FUT8: variants seen among roughly 807,000 people sequenced by gnomAD.
FUT8 encodes alpha-(1,6)-fucosyltransferase.
FUT8 carries 29 observed loss-of-function variants against 71.3 expected under a neutral mutation model. The ratio of observed to expected loss-of-function variants is 0.41; its 90% confidence interval spans 0.30 to 0.55. The LOEUF is 0.55. FUT8 is among the 20% of genes least tolerant of loss of function. The pLI is 0.34. For synonymous variants in FUT8, 254 were observed against 239.3 expected, an observed-to-expected ratio of 1.06 and a Z score of -0.57; for missense variants, 544 against 702.1, an observed-to-expected ratio of 0.77 and a Z score of 2.55.
At chr14:65,468,871 C>T (rs1168775852) in intron 2 of FUT8, among the ~76,000 whole-genome samples, 2 of 151,966 alleles carry the variant, frequency 1.3e-5, no homozygotes, top group African/African-American at 2.4e-5. Flanking sequence ...GATCATAACT[C>T]GCTGCAGTCT....
chr14:65,594,492 T>G (rs563766055), intron 3 of FUT8, among the ~76,000 whole-genome samples: 6 of 152,240 alleles, frequency 3.9e-5, no homozygotes, highest in African/African-American at 1.4e-4. Flanking sequence ...ATCAGCTCAG[T>G]GTGTCCTTTG....
chr14:65,601,759 AATG>A (rs1371021610), intron 3 of FUT8, among the ~76,000 whole-genome samples: 1 of 152,166 alleles, frequency 6.6e-6, no homozygotes, highest in Non-Finnish European at 1.5e-5. Flanking sequence ...AAATATCATT[AATG>A]ATGAGCAACT....
intron 5 of FUT8, among the ~76,000 whole-genome samples, chr14:65,621,490 TGCCCGCCTTG>T (rs1453621227): frequency 6.6e-6 from 1 of 152,154 alleles, no homozygotes; most frequent in East Asian, 1.9e-4. Flanking sequence ...CCTTGTGATC[TGCCCGCCTTG>T]GCCCGTTTGT....
intron 2 of FUT8, among the ~76,000 whole-genome samples, chr14:65,496,913 G>T (rs1362108869): frequency 1.3e-5 from 2 of 152,004 alleles, no homozygotes; most frequent in East Asian, 3.9e-4. Flanking sequence ...CTTGAATTCT[G>T]TCTCTGACCC....
At chr14:65,686,126 A>G (rs1192892363) in intron 7 of FUT8, among the ~76,000 whole-genome samples, 1 of 152,220 alleles carries the variant, frequency 6.6e-6, no homozygotes, top group East Asian at 1.9e-4. Flanking sequence ...AATGATGAGC[A>G]GTCTACCTAC....
the FUT8 span, among the ~76,000 whole-genome samples, chr14:65,368,720 A>G: frequency 6.7e-6 from 1 of 150,228 alleles, no homozygotes. Context: ...ACGGGGTTTC[A>G]CCGTGTTAGC....
chr14:65,650,707 C>CAAAAAAAAAAAAAAAAAAA (rs57971519), intron 6 of FUT8, among the ~76,000 whole-genome samples: 2 of 118,972 alleles, frequency 1.7e-5, no homozygotes, highest in African/African-American at 3.4e-5. Context: ...CTGCTAATTA[C>CAAAAAAAAAAAAAAAAAAA]AAAAAAAAAA....
chr14:65,668,433 C>A (rs904311848), intron 6 of FUT8, among the ~76,000 whole-genome samples: 2 of 152,032 alleles, frequency 1.3e-5, no homozygotes, highest in Non-Finnish European at 2.9e-5. Flanking sequence ...ACAGTCAATA[C>A]GTATCAAACA....
At chr14:65,409,497 C>T (rs1381141261), upstream of FUT8, among the ~76,000 whole-genome samples, 1 of 152,324 alleles carries the variant, frequency 6.6e-6, no homozygotes, top group South Asian at 2.1e-4. This position sits in a 1 kb window ranked among gnomAD's most constrained non-coding sequence, Gnocchi z 5.4. Flanking sequence ...AGCACTATTA[C>T]ACTTTGGCTA....
At chr14:65,590,770 G>T (rs1457598349) in intron 3 of FUT8, among the ~76,000 whole-genome samples, 2 of 152,148 alleles carry the variant, frequency 1.3e-5, no homozygotes, top group Non-Finnish European at 2.9e-5. Flanking sequence ...GTTGGAAATA[G>T]GTTTCATACT....
chr14:65,694,557 G>A (rs896148099), intron 7 of FUT8, among the ~76,000 whole-genome samples: 3 of 152,034 alleles, frequency 2.0e-5, no homozygotes, highest in African/African-American at 7.3e-5. Context: ...ATACCCAAAG[G>A]ACTATAAATC....
At position 65,677,152 on chromosome 14, in the gene FUT8, G is replaced by GTGTGTGCGTGCGCGCGCGCGCGCA. The variant is rs1555383261; in HGVS notation, c.835+7672_835+7673insTGTGTGCGTGCGCGCGCGCGCGCA. 2.4e-4 allele frequency among the ~76,000 whole-genome samples: 14 copies of GTGTGTGCGTGCGCGCGCGCGCGCA among 59,546 alleles called. No homozygotes were observed. The South Asian group carries it at 5.8e-3, about 25-fold the overall frequency. The allele number at this position is 59,546 out of a possible 152,430, so 39.1% of individuals were successfully genotyped here. A position where few individuals can be genotyped will look rare whatever the true frequency, so the allele number is the denominator to read the frequency against. ...TGTGTGTGTGTGTGTGTGTGTGTGT[G>GTGTGTGCGTGCGCGCGCGCGCGCA]CGCGCGCGCATGCGCGCGCACGTAT... On this transcript the variant is annotated intron_variant, in intron 7 of 10. Transcript: ENST00000673929.
chr14:65,645,333 A>G (rs954514644), intron 6 of FUT8, among the ~76,000 whole-genome samples: 2 of 152,230 alleles, frequency 1.3e-5, no homozygotes, highest in African/African-American at 4.8e-5. Flanking sequence ...GATGCTCTCT[A>G]TAATACTGTT....
chr14:65,665,847 C>T (rs1390463345), intron 6 of FUT8, among the ~76,000 whole-genome samples: 1 of 152,126 alleles, frequency 6.6e-6, no homozygotes, highest in Admixed American at 6.6e-5. Context: ...AAACCAAATA[C>T]TGCATGTTCT....
intron 2 of FUT8, among the ~76,000 whole-genome samples, chr14:65,533,493 T>C (rs76695828): frequency 6.6e-6 from 1 of 152,210 alleles, no homozygotes; most frequent in Non-Finnish European, 1.5e-5. Context: ...GTGATTTTTG[T>C]ACATTTAATT....
At chr14:65,433,534 A>ATCTTGCCAT (rs2065508102) in intron 1 of FUT8, among the ~76,000 whole-genome samples, 1 of 152,258 alleles carries the variant, frequency 6.6e-6, no homozygotes, top group Non-Finnish European at 1.5e-5. Flanking sequence ...GTGAAAGAGC[A>ATCTTGCCAT]TGCAATGGCA....
intron 2 of FUT8, among the ~76,000 whole-genome samples, chr14:65,521,154 T>C (rs1167739274): frequency 6.6e-6 from 1 of 152,154 alleles, no homozygotes; most frequent in African/African-American, 2.4e-5. Context: ...TCTTATAGTA[T>C]AAAAGTATGA....
intron 2 of FUT8, among the ~76,000 whole-genome samples, chr14:65,493,538 G>A (rs1376497799): frequency 6.6e-6 from 1 of 152,048 alleles, no homozygotes; most frequent in East Asian, 1.9e-4. Context: ...GAAGTCTCAG[G>A]TACTGTGCTA....
chr14:65,403,966 C>T, the FUT8 span, among the ~76,000 whole-genome samples: 6 of 151,924 alleles, frequency 3.9e-5, no homozygotes, highest in African/African-American at 1.4e-4. Flanking sequence ...GGCATGATCT[C>T]GGCTCAGTGC....
Sources: allele counts gnomAD v4.1 joint callset (sites outside exome capture counted in the v4.1 genomes callset), GRCh38; gene constraint gnomAD v4.1.1; non-coding constraint Gnocchi (gnomAD v3.1); transcripts MANE v1.5; gene names NCBI Gene and HGNC (gene_info 2026-07-23, HGNC 2026-07-21).